The following MMP25 variants were observed in gnomAD, a reference collection of about 807,000 sequenced individuals.
The protein encoded by MMP25 is matrix metallopeptidase 25.
MMP25 carries 68 observed loss-of-function variants against 62.1 expected under a neutral mutation model. The observed-to-expected ratio is 1.10, with a 90% CI of 0.90 to 1.34. The LOEUF is 1.34. Ranked by LOEUF, MMP25 falls within the 40% of genes most tolerant of loss-of-function variation. The pLI is 0.00. For synonymous variants in MMP25, 407 were observed against 345.6 expected, an observed-to-expected ratio of 1.18 and a Z score of -1.97; for missense variants, 942 against 792.5, an observed-to-expected ratio of 1.19 and a Z score of -2.26.
At position 3,058,471 on chromosome 16, in the gene MMP25, G is replaced by A. The variant is rs747830338; in HGVS notation, c.1219G>A (p.Glu407Lys). 10 of 1,605,078 alleles carry A rather than the reference G, an allele frequency of 6.2e-6. No individual in the cohort carries two copies. The highest frequency in any genetic ancestry group is 1.7e-5 in the Admixed American group (1 of 59,030). Reference protein sequence around the residue: ...QLEGGARPLTELGLPPGEEVD... With the variant: ...QLEGGARPLTKLGLPPGEEVD... ...GGAGGGCGGGGCGCGGCCGCTCACG[G>A]AGCTGGGGCTGCCCCCGGGAGAGGA... Residue 407 changes from glutamate (E) to lysine (K), a missense_variant, in exon 9 of 10, where the codon GAG becomes AAG. Coordinates refer to ENST00000336577, the MANE Select transcript of MMP25 (RefSeq NM_022468.5).
chr16:3,046,809 C>A lies in MMP25; in HGVS notation c.-109C>A. On this transcript the variant is annotated 5_prime_UTR_variant, in exon 1 of 10. Transcript: ENST00000336577. ...CCGGCCGATCCCTCCCTACTCGGTG[C>A]CGGGTGCCCCCCGCCCTCTCCAGGC... 1.8e-6 allele frequency: 1 copy of A among 543,470 alleles called. No individual in the cohort carries two copies. Among genetic ancestry groups the A allele is most frequent in the Non-Finnish European group, 3.0e-6 (1 of 332,542 alleles). The allele number at this position is 543,470 out of a possible 1,614,324, so 33.7% of individuals were successfully genotyped here.
At position 3,059,271 on chromosome 16, in the gene MMP25, C is replaced by T. The variant is rs1281623541; in HGVS notation, c.*173C>T. ...CGCGCAGGGGCGGCGGCGGCGGGGA[C>T]CGGTCGCCTGGCGCTGGGCTCAGTC... On this transcript the variant is annotated 3_prime_UTR_variant, in exon 10 of 10. Transcript: ENST00000336577. The T allele has an allele frequency of 1.6e-5, 12 of 764,330 alleles. No individual in the cohort carries two copies. The highest frequency in any genetic ancestry group is 2.3e-5 in the Non-Finnish European group (12 of 518,822). 47.3% of individuals were successfully genotyped at this position (764,330 alleles called of 1,614,324 possible). A position where few individuals can be genotyped will look rare whatever the true frequency, so the allele number is the denominator to read the frequency against.
intron 4 of MMP25, among the ~76,000 whole-genome samples, chr16:3,050,857 T>C (rs1053443538): frequency 7.9e-5 from 12 of 152,324 alleles, no homozygotes; most frequent in African/African-American, 1.7e-4. Flanking sequence ...AGTTGCACGA[T>C]CACGGCTCAC....
intron 2 of MMP25, among the ~76,000 whole-genome samples, chr16:3,049,258 G>T (rs996263532): frequency 2.0e-5 from 3 of 152,082 alleles, no homozygotes; most frequent in African/African-American, 7.2e-5. Flanking sequence ...TGGATTCGGG[G>T]TGTATATTTT....
Position 3,046,836 on chromosome 16 carries a change from C to T in MMP25, c.-82C>T. 1.3e-6 allele frequency: 1 copy of T among 767,360 alleles called. No individual in the cohort carries two copies. The highest frequency in any genetic ancestry group is 3.5e-5 in the East Asian group (1 of 28,982). 47.5% of individuals were successfully genotyped at this position (767,360 alleles called of 1,614,324 possible). ...GGGTGCCCCCCGCCCTCTCCAGGCC[C>T]GGATCTCCTCCCCCAGGTCCCCGGG... On this transcript the variant is annotated 5_prime_UTR_variant, in exon 1 of 10. Transcript: ENST00000336577.
intron 6 of MMP25, 48 bp downstream of exon 6, chr16:3,057,442 C>T: frequency 1.3e-6 from 2 of 1,598,988 alleles, no homozygotes; most frequent in Non-Finnish European, 1.7e-6. Context: ...GCTGCCCAGC[C>T]TCAGTGTCCT....
chr16:3,047,300 C>A (rs1332168648), intron 1 of MMP25, 115 bp from the exon 2 acceptor site: 8 of 1,457,466 alleles, frequency 5.5e-6, no homozygotes, highest in Non-Finnish European at 7.4e-6. Context: ...GCATCCGGGG[C>A]TGGGGCCCTG....
In MMP25 at chr16:3,046,996, C is replaced by A; in HGVS notation, c.79C>A (p.Gln27Lys). ...PPARAPKPSA[Q>K]DVSLGVDWLT... ...CGCGCGCGCCCCGAAGCCCTCGGCG[C>A]AGGACGTGAGCCTGGGCGTGGTGAG... The change falls in exon 1 of 10, where the codon CAG becomes AAG. Residue 27 changes from glutamine to lysine, a missense_variant. Coordinates refer to ENST00000336577, the MANE Select transcript of MMP25 (RefSeq NM_022468.5). 1 of 1,471,162 alleles carries A rather than the reference C, an allele frequency of 6.8e-7. No homozygotes were observed. Among genetic ancestry groups the A allele is most frequent in the Non-Finnish European group, 8.9e-7 (1 of 1,119,396 alleles). The allele number at this position is 1,471,162 out of a possible 1,614,324, so 91.1% of individuals were successfully genotyped here.
intron 2 of MMP25, among the ~76,000 whole-genome samples, chr16:3,048,084 C>G (rs144553087): frequency 1.3e-5 from 2 of 152,152 alleles, no homozygotes; most frequent in African/African-American, 4.8e-5. Flanking sequence ...GGTAACCCGC[C>G]GGCCTTGGCC....
At chr16:3,049,571 G>C (rs534703966) in intron 2 of MMP25, among the ~76,000 whole-genome samples, 1 of 152,154 alleles carries the variant, frequency 6.6e-6, no homozygotes, top group Non-Finnish European at 1.5e-5. Flanking sequence ...AGACCCAGCC[G>C]GCCTGGGCAC....
At chr16:3,051,030 A>T (rs1185394019) in intron 4 of MMP25, 1 of 152,570 alleles carries the variant, frequency 6.6e-6, no homozygotes, top group East Asian at 1.9e-4. Flanking sequence ...GGCTCAAGTG[A>T]TCCTCCCATC....
At position 3,047,539 on chromosome 16, in the gene MMP25, G is replaced by T; in HGVS notation, c.224G>T (p.Gly75Val). 6.2e-7 allele frequency: 1 copy of T among 1,613,028 alleles called. No homozygotes were observed. The highest frequency in any genetic ancestry group is 8.5e-7 in the Non-Finnish European group (1 of 1,179,870). ...MQRFAGLPET[G>V]RMDPGTVATM... is the part of the protein sequence containing the mutation. Reference sequence around the variant, plus strand: ...AGGTTCGCGGGGCTGCCGGAGACCGGCCGCATGGGTAGGTGGCCCCCACCC... The same window carrying T: ...AGGTTCGCGGGGCTGCCGGAGACCGTCCGCATGGGTAGGTGGCCCCCACCC... Residue 75 changes from glycine to valine, a missense_variant, in exon 2 of 10, where the codon GGC (glycine) becomes GTC (valine). Gly to Val is a moderately radical substitution (Grantham distance 109, BLOSUM62 -3). Transcript: ENST00000336577.
At position 3,046,734 on chromosome 16, in the gene MMP25, C is replaced by T. The variant is rs1955825270; in HGVS notation, c.-184C>T. Reference sequence around the variant, plus strand: ...GCGACCCTGGCCCTCCGGGACCCTCCGCTGACTCCACCGCGCACTTCCCGG... The same window carrying T: ...GCGACCCTGGCCCTCCGGGACCCTCTGCTGACTCCACCGCGCACTTCCCGG... On this transcript the variant is annotated 5_prime_UTR_variant, in exon 1 of 10. Transcript: ENST00000336577. 3 of 426,766 alleles carry T rather than the reference C, an allele frequency of 7.0e-6. No homozygotes were observed. The highest frequency in any genetic ancestry group is 1.2e-5 in the Non-Finnish European group (3 of 242,734). 26.4% of individuals were successfully genotyped at this position (426,766 alleles called of 1,614,324 possible). A position where few individuals can be genotyped will look rare whatever the true frequency, so the allele number is the denominator to read the frequency against.
At chr16:3,047,312 G>A in intron 1 of MMP25, 103 bp from the exon 2 acceptor site, 1 of 1,497,574 alleles carries the variant, frequency 6.7e-7, no homozygotes, top group Non-Finnish European at 9.0e-7. Context: ...GGGGCCCTGG[G>A]CTCTGGGTGC....
chr16:3,058,716 G>A, intron 9 of MMP25, 47 bp downstream of exon 9: 1 of 1,554,726 alleles, frequency 6.4e-7, no homozygotes, highest in Non-Finnish European at 8.7e-7. Context: ...GGGGTGGGGA[G>A]AGGGATGTGG....
At position 3,054,585 on chromosome 16, in the gene MMP25, G is replaced by T. The variant is rs1347649625; in HGVS notation, c.662-2448G>T. 4 of 150,870 alleles carry T rather than the reference G, an allele frequency of 2.7e-5. No individual in the cohort carries two copies. In the Admixed American group the frequency reaches 2.7e-4, roughly 10 times the overall value. 9.3% of individuals were successfully genotyped at this position (150,870 alleles called of 1,614,324 possible). A position where few individuals can be genotyped will look rare whatever the true frequency, so the allele number is the denominator to read the frequency against. ...GGACAGATGCATGCACAGAGGCGGGGATGGATGGATGGACAGATGCATGCA... is the reference window on the plus strand; with the variant it reads ...GGACAGATGCATGCACAGAGGCGGGTATGGATGGATGGACAGATGCATGCA... On this transcript the variant is annotated intron_variant, in intron 4 of 9. Transcript: ENST00000336577.
intron 4 of MMP25, chr16:3,051,197 A>ATGTGTGTG (rs554206179): frequency 1.3e-5 from 2 of 150,756 alleles, no homozygotes; most frequent in Non-Finnish European, 3.0e-5. Context: ...TGTGTGTGGG[A>ATGTGTGTG]TGTGTGTGTG....
intron 1 of MMP25, 145 bp from the exon 2 acceptor site, chr16:3,047,270 C>T: frequency 1.7e-5 from 21 of 1,259,992 alleles, no homozygotes; most frequent in Non-Finnish European, 2.2e-5. Context: ...AAGCGGGGAC[C>T]TATGGAGGGG....
chr16:3,046,913 G>T lies in MMP25; in HGVS notation c.-5G>T, dbSNP rs1005992651. 12 of 1,438,074 alleles carry T rather than the reference G, an allele frequency of 8.3e-6. No individual in the cohort carries two copies. In the African/African-American group the frequency reaches 1.3e-4, roughly 16 times the overall value. 89.1% of individuals were successfully genotyped at this position (1,438,074 alleles called of 1,614,324 possible). On this transcript the variant is annotated 5_prime_UTR_variant, in exon 1 of 10. Transcript: ENST00000336577. ...CCCCGCCGGCGGCCCGGGCTGGGGC[G>T]CACCATGCGGCTGCGGCTCCGGCTT...
Sources: allele counts gnomAD v4.1 joint callset (sites outside exome capture counted in the v4.1 genomes callset), GRCh38; gene constraint gnomAD v4.1.1; transcripts MANE v1.5; gene names NCBI Gene and HGNC (gene_info 2026-07-23, HGNC 2026-07-21).